ZNF385B: variants seen among roughly 807,000 people sequenced by gnomAD.
ZNF385B encodes the protein zinc finger protein 385B.
ZNF385B carries 23 observed loss-of-function variants against 39.2 expected under a neutral mutation model. The ratio of observed to expected loss-of-function variants is 0.59; its 90% CI spans 0.42 to 0.83. The LOEUF (loss-of-function observed/expected upper bound fraction) is 0.83. Ranked by LOEUF, ZNF385B falls within the 40% of genes least tolerant of loss-of-function variation. ZNF385B has a pLI of 0.00. For missense variants in ZNF385B, 552 were observed against 598.9 expected, an observed-to-expected ratio of 0.92 and a Z score of 0.82; for synonymous variants, 205 against 222.6, an observed-to-expected ratio of 0.92 and a Z score of 0.70.
intron 3 of ZNF385B, among the ~76,000 whole-genome samples, chr2:179,677,490 T>C (rs1192307054): frequency 6.6e-6 from 1 of 152,228 alleles, no homozygotes; most frequent in Non-Finnish European, 1.5e-5. Context: ...CTGAAACGAA[T>C]GAAGTTGTTG....
At chr2:179,520,217 A>G (rs2058384818) in intron 4 of ZNF385B, among the ~76,000 whole-genome samples, 3 of 152,050 alleles carry the variant, frequency 2.0e-5, no homozygotes, top group African/African-American at 7.2e-5. Context: ...AGATAGCCTA[A>G]CTATAATGTG....
At chr2:179,456,562 C>A (rs2050729113) in intron 6 of ZNF385B, among the ~76,000 whole-genome samples, 1 of 152,090 alleles carries the variant, frequency 6.6e-6, no homozygotes, top group African/African-American at 2.4e-5. Flanking sequence ...AAACATTGTA[C>A]ACTAAAGTAA....
At chr2:179,760,302 G>A (rs946734323) in intron 3 of ZNF385B, among the ~76,000 whole-genome samples, 3 of 151,188 alleles carry the variant, frequency 2.0e-5, no homozygotes, top group African/African-American at 7.3e-5. Flanking sequence ...GATCTCTCAT[G>A]TTGCAGTTTT....
intron 3 of ZNF385B, among the ~76,000 whole-genome samples, chr2:179,610,999 G>C (rs1463677070): frequency 1.3e-5 from 2 of 152,072 alleles, no homozygotes; most frequent in African/African-American, 4.8e-5. Flanking sequence ...AGGATAATTT[G>C]ACTTCTTCCT....
chr2:179,807,065 C>T (rs371254152), intron 1 of ZNF385B, among the ~76,000 whole-genome samples: 26 of 152,190 alleles, frequency 1.7e-4, no homozygotes, highest in African/African-American at 5.1e-4. Context: ...TCTAGGTATA[C>T]GGTTGAGAAA....
chr2:179,729,128 C>CAAAAAAAAAAAAAAAAAAAAA (rs767380342), intron 3 of ZNF385B, among the ~76,000 whole-genome samples: 2 of 76,652 alleles, frequency 2.6e-5, no homozygotes, highest in African/African-American at 3.9e-5. Context: ...ATTCTATTCT[C>CAAAAAAAAAAAAAAAAAAAAA]AAAAAAAAAA....
At chr2:179,823,311 A>T (rs1039624979) in intron 1 of ZNF385B, among the ~76,000 whole-genome samples, 1 of 152,198 alleles carries the variant, frequency 6.6e-6, no homozygotes, top group Non-Finnish European at 1.5e-5. Context: ...TTAGTTCTAG[A>T]TAAAAAGATG....
chr2:179,445,475 C>T (rs1241949135), intron 8 of ZNF385B, 75 bp downstream of exon 8: 1 of 1,455,238 alleles, frequency 6.9e-7, no homozygotes, highest in Non-Finnish European at 9.3e-7. Context: ...CAGTAAAAAC[C>T]ATTCTATAGA....
At chr2:179,829,368 T>C (rs1707849008) in intron 1 of ZNF385B, among the ~76,000 whole-genome samples, 2 of 152,082 alleles carry the variant, frequency 1.3e-5, no homozygotes, top group Admixed American at 1.3e-4. Flanking sequence ...TAGAAAAATA[T>C]TAATAATAAT....
intron 3 of ZNF385B, among the ~76,000 whole-genome samples, chr2:179,613,307 T>G (rs543251188): frequency 2.0e-5 from 3 of 152,228 alleles, no homozygotes; most frequent in African/African-American, 7.2e-5. Context: ...CAGGAGTGTC[T>G]CTCCATAGCG....
chr2:179,535,719 A>G (rs1287309064), intron 4 of ZNF385B, among the ~76,000 whole-genome samples: 2 of 152,232 alleles, frequency 1.3e-5, no homozygotes, highest in African/African-American at 2.4e-5. Flanking sequence ...AAGGAAGGTA[A>G]ACCTAAATTG....
chr2:179,714,942 CAAAA>C (rs34449760), intron 3 of ZNF385B, among the ~76,000 whole-genome samples: 2 of 79,230 alleles, frequency 2.5e-5, no homozygotes, highest in Admixed American at 1.5e-4. Context: ...GATTCTATCT[CAAAA>C]AAAAAAAAAA....
rs71029824 is a variant in ZNF385B at position 179,639,249 on chromosome 2, A to AAAGG, written c.299-94281_299-94280insCCTT. ...CTCAAAAAAAAAAAAAAAAAAAAAA[A>AAAGG]GGGGGAGAAAGAAAAGAAAAAAATG... On this transcript the variant is annotated intron_variant, in intron 3 of 9. Transcript: ENST00000410066. 9.2e-4 allele frequency among the ~76,000 whole-genome samples: 119 copies of AAAGG among 128,660 alleles called. 1 individual carries two copies. The highest frequency in any genetic ancestry group is 4.6e-3 in the Middle Eastern group (1 of 216). 84.4% of individuals were successfully genotyped at this position (128,660 alleles called of 152,430 possible). A position where few individuals can be genotyped will look rare whatever the true frequency, so the allele number is the denominator to read the frequency against.
chr2:179,687,486 C>T (rs1305203611), intron 3 of ZNF385B, among the ~76,000 whole-genome samples: 1 of 152,150 alleles, frequency 6.6e-6, no homozygotes, highest in African/African-American at 2.4e-5. Flanking sequence ...CAAGCTATAG[C>T]TCAGTAGGAC....
intron 3 of ZNF385B, among the ~76,000 whole-genome samples, chr2:179,607,616 A>G (rs1001298602): frequency 1.3e-5 from 2 of 152,142 alleles, no homozygotes; most frequent in African/African-American, 2.4e-5. Context: ...AGGAGGAGCT[A>G]ATAATGGTTA....
intron 3 of ZNF385B, among the ~76,000 whole-genome samples, chr2:179,765,115 C>T (rs758880694): frequency 6.6e-6 from 1 of 152,148 alleles, no homozygotes; most frequent in Non-Finnish European, 1.5e-5. Flanking sequence ...GAGCTAATTC[C>T]TTTCTCCTAC....
chr2:179,621,393 A>C (rs1233216802), intron 3 of ZNF385B, among the ~76,000 whole-genome samples: 2 of 152,206 alleles, frequency 1.3e-5, no homozygotes, highest in African/African-American at 4.8e-5. Context: ...TGTGACACAC[A>C]ATGTTCCTTT....
At chr2:179,597,025 C>G (rs1688053928) in intron 3 of ZNF385B, among the ~76,000 whole-genome samples, 1 of 152,194 alleles carries the variant, frequency 6.6e-6, no homozygotes, top group East Asian at 1.9e-4. Flanking sequence ...AAGGATCTAT[C>G]TCCATTCTTT....
chr2:179,512,991 G>A (rs1454776434), intron 5 of ZNF385B, among the ~76,000 whole-genome samples: 3 of 152,112 alleles, frequency 2.0e-5, no homozygotes, highest in Non-Finnish European at 2.9e-5. Flanking sequence ...AGGTCATATT[G>A]AATTTTAATG....
Sources: allele counts gnomAD v4.1 joint callset (sites outside exome capture counted in the v4.1 genomes callset), GRCh38; gene constraint gnomAD v4.1.1; transcripts MANE v1.5; gene names NCBI Gene and HGNC (gene_info 2026-07-23, HGNC 2026-07-21).